The following AUH variants were observed in gnomAD, a reference collection of about 807,000 sequenced individuals.
The protein encoded by AUH is AU RNA binding methylglutaconyl-CoA hydratase, also known as methylglutaconyl-CoA hydratase, mitochondrial.
AUH carries 29 observed loss-of-function variants against 42.3 expected under a neutral mutation model. That is an observed-to-expected ratio of 0.69 (90% CI 0.51 to 0.93). The LOEUF (loss-of-function observed/expected upper bound fraction) is 0.93. Among genes scored for constraint, AUH ranks in the 40% least tolerant of loss-of-function variants. The pLI is 0.00. For missense variants in AUH, 452 were observed against 438.1 expected (o/e 1.03, Z -0.28); for synonymous variants, 174 against 166.4 (o/e 1.05, Z -0.35).
intron 4 of AUH, among the ~76,000 whole-genome samples, chr9:91,299,000 C>A (rs775821160): frequency 3.3e-5 from 5 of 152,140 alleles, no homozygotes; most frequent in Non-Finnish European, 5.9e-5. Context: ...GGGAGGATCA[C>A]CTGAGGTCAG....
At chr9:91,297,857 C>T in intron 5 of AUH, 127 bp downstream of exon 5, 1 of 820,232 alleles carries the variant, frequency 1.2e-6, no homozygotes. Flanking sequence ...CCATTAGGAC[C>T]AACAAGTGAC....
At chr9:91,264,292 T>G (rs1457241417) in intron 6 of AUH, among the ~76,000 whole-genome samples, 1 of 152,206 alleles carries the variant, frequency 6.6e-6, no homozygotes, top group Non-Finnish European at 1.5e-5. Flanking sequence ...TCTTGCTGAT[T>G]GCTTAAAAGC....
chr9:91,314,487 A>G (rs1000737055), intron 4 of AUH, among the ~76,000 whole-genome samples: 10 of 146,136 alleles, frequency 6.8e-5, no homozygotes, highest in Non-Finnish European at 1.0e-4. Context: ...TCTCTCAAAG[A>G]AGGAAAAAAA....
chr9:91,219,206 C>T (rs544779945), intron 7 of AUH, among the ~76,000 whole-genome samples: 9 of 152,196 alleles, frequency 5.9e-5, no homozygotes, highest in Non-Finnish European at 1.2e-4. Flanking sequence ...GGAGAGAGAG[C>T]AAGTCAGGCC....
At chr9:91,259,861 G>C (rs534102843) in intron 6 of AUH, among the ~76,000 whole-genome samples, 1 of 151,934 alleles carries the variant, frequency 6.6e-6, no homozygotes, top group Non-Finnish European at 1.5e-5. Flanking sequence ...AATATTCCAC[G>C]TGCATTTTGA....
intron 6 of AUH, among the ~76,000 whole-genome samples, chr9:91,262,569 A>C (rs1206096936): frequency 6.6e-6 from 1 of 152,226 alleles, no homozygotes; most frequent in East Asian, 1.9e-4. Context: ...AAACTTAAAA[A>C]GCAGTTGCTA....
chr9:91,259,753 T>G (rs1164647008), intron 6 of AUH, among the ~76,000 whole-genome samples: 2 of 152,108 alleles, frequency 1.3e-5, no homozygotes, highest in South Asian at 2.1e-4. Context: ...TGTCTTTCGG[T>G]TTTTTATTTC....
Position 91,327,899 on chromosome 9 carries a change from G to A in AUH, c.419-2495C>T, listed in dbSNP as rs117169317. Among the ~76,000 whole-genome samples, 25 of 152,230 alleles carry A rather than the reference G, an allele frequency of 1.6e-4. No homozygotes were observed. The East Asian group carries it at 4.1e-3, about 25-fold the overall frequency. On this transcript the variant is annotated intron_variant, in intron 3 of 9. Transcript: ENST00000375731. ...ACCACATTCCCCTTGTCTAGACACC[G>A]GTGCCTGACATGGAAGTCATTCATG...
At chr9:91,337,739 G>A (rs774919133) in intron 3 of AUH, among the ~76,000 whole-genome samples, 19 of 152,204 alleles carry the variant, frequency 1.2e-4, no homozygotes, top group Non-Finnish European at 2.4e-4. Flanking sequence ...AGATGGAGGT[G>A]AGAGCTCATT....
intron 6 of AUH, among the ~76,000 whole-genome samples, chr9:91,251,992 A>G (rs1357387913): frequency 6.6e-6 from 1 of 151,760 alleles, no homozygotes; most frequent in Non-Finnish European, 1.5e-5. Context: ...TTTGAGACGG[A>G]GTCTTGCTCT....
chr9:91,224,926 A>T (rs2131243974), intron 6 of AUH, among the ~76,000 whole-genome samples: 1 of 152,348 alleles, frequency 6.6e-6, no homozygotes, highest in African/African-American at 2.4e-5. Context: ...ATTACTAATG[A>T]TACTATGAGC....
chr9:91,326,760 G>A (rs1829991783), intron 3 of AUH, among the ~76,000 whole-genome samples: 1 of 151,978 alleles, frequency 6.6e-6, no homozygotes, highest in African/African-American at 2.4e-5. Flanking sequence ...TTGGGTGGTG[G>A]GTGCTAAATA....
chr9:91,346,989 C>T (rs1342659939), intron 3 of AUH, among the ~76,000 whole-genome samples: 1 of 152,036 alleles, frequency 6.6e-6, no homozygotes, highest in African/African-American at 2.4e-5. Context: ...GTGCCAACCT[C>T]CTAGAAAATC....
intron 6 of AUH, among the ~76,000 whole-genome samples, chr9:91,237,205 C>G (rs1828237973): frequency 2.0e-5 from 3 of 152,136 alleles, no homozygotes; most frequent in Admixed American, 1.3e-4. Flanking sequence ...AATTTCAAAA[C>G]TGTTTACTTA....
chr9:91,247,290 GCTAA>G (rs1828852865), intron 6 of AUH, among the ~76,000 whole-genome samples: 1 of 152,162 alleles, frequency 6.6e-6, no homozygotes, highest in Admixed American at 6.5e-5. Context: ...AAGGGGGGCA[GCTAA>G]CTCTCACTCC....
chr9:91,345,335 G>A (rs1831414994), intron 3 of AUH, among the ~76,000 whole-genome samples: 1 of 152,100 alleles, frequency 6.6e-6, no homozygotes, highest in African/African-American at 2.4e-5. Flanking sequence ...AGTAAAAAGT[G>A]CATTTAACAA....
At chr9:91,246,968 T>C (rs947151537) in intron 6 of AUH, among the ~76,000 whole-genome samples, 1 of 152,186 alleles carries the variant, frequency 6.6e-6, no homozygotes, top group African/African-American at 2.4e-5. Context: ...CCCAGACTTC[T>C]TATAAAAAGA....
At chr9:91,271,662 A>C (rs1342491577) in intron 6 of AUH, among the ~76,000 whole-genome samples, 1 of 152,252 alleles carries the variant, frequency 6.6e-6, no homozygotes, top group Non-Finnish European at 1.5e-5. Flanking sequence ...TCTATAATGC[A>C]ATACAAAATC....
chr9:91,233,308 G>A (rs571244948), intron 6 of AUH, among the ~76,000 whole-genome samples: 1 of 152,244 alleles, frequency 6.6e-6, no homozygotes, highest in African/African-American at 2.4e-5. Context: ...GGAGGAACAC[G>A]AAGGGCACAG....
Sources: allele counts gnomAD v4.1 joint callset (sites outside exome capture counted in the v4.1 genomes callset), GRCh38; gene constraint gnomAD v4.1.1; transcripts MANE v1.5; gene names NCBI Gene and HGNC (gene_info 2026-07-23, HGNC 2026-07-21).